The following CTNNA1 variants were observed in gnomAD, a reference collection of about 807,000 sequenced individuals.
CTNNA1 encodes catenin alpha-1.
In CTNNA1, 37 loss-of-function variants were observed where a neutral mutation model predicts 98.4. The observed-to-expected ratio is 0.38, with a 90% CI of 0.29 to 0.49. The LOEUF is 0.49. Ranked by LOEUF, CTNNA1 falls within the 20% of genes least tolerant of loss-of-function variation. CTNNA1 has a pLI of 0.95. For missense variants in CTNNA1, 761 were observed against 1,147.2 expected, an observed-to-expected ratio of 0.66 and a Z score of 4.86; for synonymous variants, 404 against 413.2, an observed-to-expected ratio of 0.98 and a Z score of 0.27.
At position 138,802,501 on chromosome 5, in the gene CTNNA1, T is replaced by A. The variant is rs541703102; in HGVS notation, c.302-7537T>A. On this transcript the variant is annotated intron_variant, in intron 3 of 17. Coordinates refer to ENST00000302763, the MANE Select transcript of CTNNA1 (RefSeq NM_001903.5). The stretch of plus-strand genomic sequence containing the variant: ...CAAAATTTTGGGGGGTCTTATTTTT[T>A]AAAAATTTATTTTTTTCTTTTCTCC... Among the ~76,000 whole-genome samples, 27 of 152,192 alleles carry A rather than the reference T, an allele frequency of 1.8e-4. 1 individual carries two copies. The South Asian group carries it at 5.2e-3, about 29-fold the overall frequency.
rs200115739 is a variant in CTNNA1, at chr5:138,860,487, G to GT, written c.1063-25717dup. On this transcript the variant is annotated intron_variant, in intron 7 of 17. Coordinates refer to ENST00000302763, the MANE Select transcript of CTNNA1 (RefSeq NM_001903.5). ...ACAAATCTTAGACTGGCAGGGTTTG[G>GT]TTTTTTTTGTTTGTTTTGTTTTGTT... Among the ~76,000 whole-genome samples, 705 of 124,076 alleles carry GT rather than the reference G, an allele frequency of 5.7e-3. 4 individuals are homozygous for GT. Among genetic ancestry groups the GT allele is most frequent in the African/African-American group, 0.018 (632 of 34,492 alleles). The allele number at this position is 124,076 out of a possible 152,430, so 81.4% of individuals were successfully genotyped here. A position where few individuals can be genotyped will look rare whatever the true frequency, so the allele number is the denominator to read the frequency against.
At chr5:138,778,507 T>G (rs1357631545) in intron 1 of CTNNA1, among the ~76,000 whole-genome samples, 1 of 152,176 alleles carries the variant, frequency 6.6e-6, no homozygotes, top group East Asian at 1.9e-4. Context: ...TTGGTTAAGG[T>G]GGCATCTCAG....
rs111367271 is a variant in CTNNA1 at position 138,809,742 on chromosome 5, C to CT, written c.302-286dup. Among the ~76,000 whole-genome samples, 3,584 of 147,990 alleles carry CT rather than the reference C, an allele frequency of 0.024. 146 individuals are homozygous for CT. Among genetic ancestry groups the CT allele is most frequent in the African/African-American group, 0.084 (3,405 of 40,358 alleles). On this transcript the variant is annotated intron_variant, in intron 3 of 17. Coordinates refer to ENST00000302763, the MANE Select transcript of CTNNA1 (RefSeq NM_001903.5). Reference sequence around the variant, plus strand: ...CTTTTTTTTGGATACATATAATGCCCTTTTTTTTTTAAAGGAACATTATTA... The same window carrying CT: ...CTTTTTTTTGGATACATATAATGCCCTTTTTTTTTTTAAAGGAACATTATTA...
intron 9 of CTNNA1, among the ~76,000 whole-genome samples, chr5:138,899,536 A>C (rs1415784705): frequency 6.6e-6 from 1 of 151,952 alleles, no homozygotes; most frequent in East Asian, 1.9e-4. Context: ...TTTCTTGATC[A>C]CTCTTAGGGT....
chr5:138,933,698 G>C, intron 17 of CTNNA1, 104 bp from the exon 18 acceptor site: 1 of 1,208,762 alleles, frequency 8.3e-7, no homozygotes, highest in Non-Finnish European at 1.2e-6. Context: ...CCCAGGCCCT[G>C]GTCTTGCAGA....
intron 11 of CTNNA1, among the ~76,000 whole-genome samples, chr5:138,920,449 G>T (rs1430320874): frequency 2.0e-5 from 3 of 152,252 alleles, no homozygotes; most frequent in African/African-American, 7.2e-5. Flanking sequence ...TGGCCCTAAA[G>T]CATAGCGGTG....
At chr5:138,801,208 C>T (rs1422077493) in intron 3 of CTNNA1, among the ~76,000 whole-genome samples, 1 of 152,130 alleles carries the variant, frequency 6.6e-6, no homozygotes, top group African/African-American at 2.4e-5. Context: ...ACAGTGTGTA[C>T]TACAATTAAT....
At chr5:138,860,035 TTGTG>T (rs942782957) in intron 7 of CTNNA1, among the ~76,000 whole-genome samples, 2 of 151,928 alleles carry the variant, frequency 1.3e-5, no homozygotes, top group African/African-American at 4.8e-5. Flanking sequence ...TGTTTAAAGA[TTGTG>T]TGTGTGTGTT....
chr5:138,920,762 C>A (rs1265490647), intron 11 of CTNNA1, among the ~76,000 whole-genome samples: 1 of 152,166 alleles, frequency 6.6e-6, no homozygotes, highest in Non-Finnish European at 1.5e-5. Context: ...GAGAACCTGT[C>A]CAAGAGGAAA....
chr5:138,889,526 T>C (rs1011837154), intron 9 of CTNNA1, among the ~76,000 whole-genome samples: 42 of 152,174 alleles, frequency 2.8e-4, no homozygotes, highest in African/African-American at 9.7e-4. Flanking sequence ...ACTGAAGCAT[T>C]GAGTGGGCGA....
chr5:138,912,859 G>A (rs1420883686), intron 10 of CTNNA1, among the ~76,000 whole-genome samples: 1 of 152,034 alleles, frequency 6.6e-6, no homozygotes, highest in East Asian at 1.9e-4. Flanking sequence ...TTTTTCTACT[G>A]CTGTTTTGGT....
chr5:138,869,789 A>G (rs1581361925), intron 7 of CTNNA1: 2 of 152,656 alleles, frequency 1.3e-5, no homozygotes, highest in East Asian at 3.8e-4. Context: ...TGATACAGAA[A>G]TTAACTTAGG....
intron 9 of CTNNA1, among the ~76,000 whole-genome samples, chr5:138,900,567 A>G (rs1210992823): frequency 6.6e-6 from 1 of 152,226 alleles, no homozygotes; most frequent in Non-Finnish European, 1.5e-5. Flanking sequence ...AATAGTCATT[A>G]TGGTTACAGA....
At chr5:138,833,654 A>G (rs778058447) in intron 7 of CTNNA1, among the ~76,000 whole-genome samples, 11 of 152,194 alleles carry the variant, frequency 7.2e-5, no homozygotes, top group Non-Finnish European at 1.2e-4. Context: ...GTTCTAACCA[A>G]TAAGTAACCA....
intron 3 of CTNNA1, among the ~76,000 whole-genome samples, chr5:138,785,523 G>A (rs1755597886): frequency 0.011 from 1 of 92 alleles, no homozygotes; most frequent in Non-Finnish European, 0.023. Flanking sequence ...AGATGAGTTT[G>A]GGCAGTGTTT....
chr5:138,928,636 G>A (rs1488179742), intron 13 of CTNNA1, among the ~76,000 whole-genome samples: 3 of 152,190 alleles, frequency 2.0e-5, no homozygotes, highest in South Asian at 4.1e-4. Flanking sequence ...AAATTAGGAA[G>A]TAAAAACCTT....
chr5:138,804,515 A>G (rs1043098812), intron 3 of CTNNA1, among the ~76,000 whole-genome samples: 2 of 152,198 alleles, frequency 1.3e-5, no homozygotes, highest in Non-Finnish European at 2.9e-5. Context: ...TTCTGTCTCT[A>G]TGGATTTGCC....
At chr5:138,790,825 G>A (rs1369463648) in intron 3 of CTNNA1, 1 of 152,244 alleles carries the variant, frequency 6.6e-6, no homozygotes, top group Non-Finnish European at 1.5e-5. Flanking sequence ...GCTAAGTCTA[G>A]TGACTTACTG....
intron 3 of CTNNA1, among the ~76,000 whole-genome samples, chr5:138,791,787 C>T (rs1484124932): frequency 4.9e-4 from 45 of 92,212 alleles, no homozygotes; most frequent in Middle Eastern, 7.6e-3. Flanking sequence ...GTTTTCTCAG[C>T]TTTTTTTTTT....
Sources: allele counts gnomAD v4.1 joint callset (sites outside exome capture counted in the v4.1 genomes callset), GRCh38; gene constraint gnomAD v4.1.1; transcripts MANE v1.5; gene names NCBI Gene and HGNC (gene_info 2026-07-23, HGNC 2026-07-21).